The following ENTREP2 variants were observed in gnomAD, a reference collection of about 807,000 sequenced individuals.
ENTREP2 encodes the protein protein ENTREP2.
chr15:29,386,909 G>A, the ENTREP2 span, among the ~76,000 whole-genome samples: 4 of 152,206 alleles, frequency 2.6e-5, no homozygotes, highest in African/African-American at 9.6e-5. Flanking sequence ...CTGAGACCAT[G>A]GGGTTTTCTA....
the ENTREP2 span, among the ~76,000 whole-genome samples, chr15:29,550,568 A>G: frequency 6.6e-6 from 1 of 152,216 alleles, no homozygotes; most frequent in African/African-American, 2.4e-5. Flanking sequence ...AATCATTAAT[A>G]GTTTATCCAA....
chr15:29,162,826 C>T, the ENTREP2 span, among the ~76,000 whole-genome samples: 9 of 152,178 alleles, frequency 5.9e-5, no homozygotes, highest in East Asian at 1.5e-3. Flanking sequence ...TTCTGGAAAG[C>T]GCCACCTCAC....
At chr15:29,457,755 G>A in the ENTREP2 span, among the ~76,000 whole-genome samples, 5 of 152,202 alleles carry the variant, frequency 3.3e-5, no homozygotes, top group African/African-American at 1.2e-4. Flanking sequence ...AGACACACTC[G>A]AGAGAAACTT....
the ENTREP2 span, chr15:29,151,796 C>A: frequency 6.4e-7 from 1 of 1,551,538 alleles, no homozygotes; most frequent in African/African-American, 1.4e-5. Flanking sequence ...AGCGCACACA[C>A]GATAGTGGAC....
chr15:29,126,944 C>T, the ENTREP2 span, among the ~76,000 whole-genome samples: 1 of 152,172 alleles, frequency 6.6e-6, no homozygotes, highest in Non-Finnish European at 1.5e-5. Context: ...ATAAACTCCG[C>T]CCACCAGACA....
the ENTREP2 span, among the ~76,000 whole-genome samples, chr15:29,261,054 A>G: frequency 2.0e-5 from 3 of 152,164 alleles, no homozygotes; most frequent in South Asian, 6.2e-4. Flanking sequence ...TAGACTATAT[A>G]ATATTTGAAC....
chr15:29,230,672 A>C, the ENTREP2 span, among the ~76,000 whole-genome samples: 2 of 152,146 alleles, frequency 1.3e-5, no homozygotes, highest in African/African-American at 4.8e-5. Flanking sequence ...GTTTTGGTAG[A>C]GGGAACAGCA....
the ENTREP2 span, among the ~76,000 whole-genome samples, chr15:29,457,331 A>T: frequency 0.62 from 94,862 of 152,090 alleles, 29,662 homozygotes; most frequent in South Asian, 0.66. Flanking sequence ...GTACTGAATA[A>T]CAGCTTTGAG....
At chr15:29,493,125 C>CTTTTTTT in the ENTREP2 span, among the ~76,000 whole-genome samples, 6 of 84,774 alleles carry the variant, frequency 7.1e-5, 1 homozygote, top group African/African-American at 1.6e-4. Context: ...CCTGACAACC[C>CTTTTTTT]TTTTTTTTTT....
the ENTREP2 span, among the ~76,000 whole-genome samples, chr15:29,638,632 TTTAGGAGGCTGAAGCAG>T: frequency 6.6e-6 from 1 of 152,084 alleles, no homozygotes; most frequent in African/African-American, 2.4e-5. Flanking sequence ...ATCCCAGCAG[TTTAGGAGGCTGAAGCAG>T]GAGGATCCCT....
At chr15:29,317,964 T>C in the ENTREP2 span, among the ~76,000 whole-genome samples, 8 of 152,200 alleles carry the variant, frequency 5.3e-5, no homozygotes, top group Non-Finnish European at 8.8e-5. Flanking sequence ...GTCGATGATT[T>C]TGAAACCTCA....
the ENTREP2 span, among the ~76,000 whole-genome samples, chr15:29,616,548 C>CATTAT: frequency 6.6e-6 from 1 of 152,118 alleles, no homozygotes. Flanking sequence ...TTCTGCATTG[C>CATTAT]ATATATTTAA....
the ENTREP2 span, among the ~76,000 whole-genome samples, chr15:29,215,091 T>C: frequency 1.3e-5 from 2 of 152,212 alleles, no homozygotes; most frequent in East Asian, 1.9e-4. Flanking sequence ...TTTGGTCTGT[T>C]AGTAATTGTT....
the ENTREP2 span, among the ~76,000 whole-genome samples, chr15:29,172,762 A>AC: frequency 6.6e-6 from 1 of 151,948 alleles, no homozygotes; most frequent in Non-Finnish European, 1.5e-5. Context: ...TGGCGTGTTG[A>AC]CCCGGCTACC....
At chr15:29,147,985 T>C in the ENTREP2 span, among the ~76,000 whole-genome samples, 1 of 152,180 alleles carries the variant, frequency 6.6e-6, no homozygotes, top group African/African-American at 2.4e-5. Context: ...TGTTGGTACA[T>C]GTAGAAACAT....
At chr15:29,447,519 G>A in the ENTREP2 span, among the ~76,000 whole-genome samples, 1 of 152,152 alleles carries the variant, frequency 6.6e-6, no homozygotes. Context: ...AGGCTGGAGT[G>A]CAGTGGCACA....
chr15:29,629,571 C>G, the ENTREP2 span, among the ~76,000 whole-genome samples: 1 of 152,168 alleles, frequency 6.6e-6, no homozygotes, highest in African/African-American at 2.4e-5. Flanking sequence ...CTTTACTTCC[C>G]TTTATTTCCC....
At chr15:29,251,002 C>T in the ENTREP2 span, among the ~76,000 whole-genome samples, 5 of 152,208 alleles carry the variant, frequency 3.3e-5, no homozygotes, top group East Asian at 1.9e-4. Flanking sequence ...ACTGTGCCAG[C>T]GACACTGGTC....
the ENTREP2 span, among the ~76,000 whole-genome samples, chr15:29,414,224 T>C: frequency 6.6e-6 from 1 of 152,120 alleles, no homozygotes; most frequent in African/African-American, 2.4e-5. Context: ...CCACACCTAT[T>C]CCAAAATTGA....
Sources: allele counts gnomAD v4.1 joint callset (sites outside exome capture counted in the v4.1 genomes callset), GRCh38; gene constraint gnomAD v4.1.1; transcripts MANE v1.5; gene names NCBI Gene and HGNC (gene_info 2026-07-23, HGNC 2026-07-21).